The following CRLS1 variants were observed in gnomAD, a reference collection of about 807,000 sequenced individuals.
CRLS1 encodes cardiolipin synthase (CMP-forming).
Under a neutral mutation model 37.0 loss-of-function variants are expected in CRLS1, and 24 were observed. The ratio of observed to expected loss-of-function variants is 0.65; its 90% CI spans 0.47 to 0.91. The LOEUF (loss-of-function observed/expected upper bound fraction) is 0.91. Ranked by LOEUF, CRLS1 falls within the 40% of genes least tolerant of loss-of-function variation. The pLI is 0.00. For missense variants in CRLS1, 373 were observed against 395.8 expected (o/e 0.94, Z 0.49); for synonymous variants, 135 against 159.7 (o/e 0.85, Z 1.17).
chr20:6,038,593 A>G lies in CRLS1; in HGVS notation c.*1435A>G, dbSNP rs1980737510. On this transcript the variant is annotated 3_prime_UTR_variant, in exon 7 of 7. Coordinates refer to ENST00000378863, the MANE Select transcript of CRLS1 (RefSeq NM_019095.6). ...CAGAGAAGGGGGCATGTGGCTGGCT[A>G]TTCTTGCTCTCTGGAGAACAGCTTC... The G allele has an allele frequency of 6.6e-6, 1 of 152,340 alleles. No homozygotes were observed. The highest frequency in any genetic ancestry group is 2.1e-4 in the South Asian group (1 of 4,832). 9.4% of individuals were successfully genotyped at this position (152,340 alleles called of 1,614,324 possible).
rs114109779 is a variant in CRLS1, at chr20:6,012,946, G to A, written c.445-2415G>A. 5.3e-4 allele frequency among the ~76,000 whole-genome samples: 80 copies of A among 152,244 alleles called. 1 individual carries two copies. The South Asian group carries it at 0.012, about 22-fold the overall frequency. ...TCGAGGTCAGGTACTCTAAAAATGC[G>A]GAGTTCCTTGGTGACCTTTATGAGC... On this transcript the variant is annotated intron_variant, in intron 2 of 6. Transcript: ENST00000378863.
chr20:6,011,674 C>T (rs988104129), intron 2 of CRLS1, among the ~76,000 whole-genome samples: 16 of 140,958 alleles, frequency 1.1e-4, no homozygotes, highest in African/African-American at 4.3e-4. Flanking sequence ...CAGCCTCTGC[C>T]TCTTGGGTTC....
At chr20:6,016,550 G>A (rs1978768397) in intron 3 of CRLS1, among the ~76,000 whole-genome samples, 1 of 152,086 alleles carries the variant, frequency 6.6e-6, no homozygotes, top group Non-Finnish European at 1.5e-5. Context: ...AAAGTGATGG[G>A]ACTATTGGCT....
At chr20:6,021,190 C>T (rs1428509468) in intron 3 of CRLS1, among the ~76,000 whole-genome samples, 1 of 151,828 alleles carries the variant, frequency 6.6e-6, no homozygotes, top group African/African-American at 2.4e-5. Flanking sequence ...CCTCAGTCTC[C>T]TGACTAGCTG....
intron 2 of CRLS1, 44 bp from the exon 3 acceptor site, chr20:6,015,317 C>T: frequency 7.6e-7 from 1 of 1,311,672 alleles, no homozygotes. Flanking sequence ...TGCTTTGTTC[C>T]TGTTATGACA....
chr20:6,016,552 C>CT (rs897392411), intron 3 of CRLS1, among the ~76,000 whole-genome samples: 17 of 152,172 alleles, frequency 1.1e-4, no homozygotes, highest in Non-Finnish European at 1.5e-5. Context: ...AGTGATGGGA[C>CT]TATTGGCTTG....
In CRLS1 at chr20:6,034,453, T is replaced by G; in HGVS notation, c.730-11T>G. ...CACTATTCACTTAGAACTTTTTCTT[T>G]TTTTATTTAGGTGAATACAGCAGTC... On this transcript the variant is annotated splice_polypyrimidine_tract_variant and intron_variant, in intron 5 of 6. Transcript: ENST00000378863. 1 of 1,603,992 alleles carries G rather than the reference T, an allele frequency of 6.2e-7. No homozygotes were observed. Among genetic ancestry groups the G allele is most frequent in the Non-Finnish European group, 8.5e-7 (1 of 1,175,558 alleles).
chr20:6,035,912 C>G (rs914621074), intron 6 of CRLS1, among the ~76,000 whole-genome samples: 1 of 152,160 alleles, frequency 6.6e-6, no homozygotes, highest in Non-Finnish European at 1.5e-5. Context: ...TCAAGCGATT[C>G]TCCTGCCTCA....
In CRLS1 at chr20:6,038,181, TAA is replaced by T. The variant is rs1339110506; in HGVS notation, c.*1026_*1027del. On this transcript the variant is annotated 3_prime_UTR_variant, in exon 7 of 7. Coordinates refer to ENST00000378863, the MANE Select transcript of CRLS1 (RefSeq NM_019095.6). The stretch of plus-strand genomic sequence containing the variant: ...AATAATTAGTCTGACCATCTGACTT[TAA>T]AAGACTGTTGCTACACGTACATCAT... 6.6e-6 allele frequency: 1 copy of T among 152,248 alleles called. No homozygotes were observed. Among genetic ancestry groups the T allele is most frequent in the Non-Finnish European group, 1.5e-5 (1 of 68,038 alleles). 9.4% of individuals were successfully genotyped at this position (152,248 alleles called of 1,614,324 possible). A position where few individuals can be genotyped will look rare whatever the true frequency, so the allele number is the denominator to read the frequency against.
At chr20:6,037,034 G>A (rs748416433) in intron 6 of CRLS1, 40 bp from the exon 7 acceptor site, 17 of 1,414,366 alleles carry the variant, frequency 1.2e-5, no homozygotes, top group Non-Finnish European at 1.7e-5. Flanking sequence ...CTATTTTTTA[G>A]ACTTGACAAC....
intron 3 of CRLS1, among the ~76,000 whole-genome samples, chr20:6,030,405 G>A (rs1309522052): frequency 6.6e-6 from 1 of 152,096 alleles, no homozygotes; most frequent in Admixed American, 6.5e-5. Flanking sequence ...AGCAATCCCT[G>A]GGAAGGAACT....
chr20:6,010,668 G>C (rs1177756004), intron 2 of CRLS1, among the ~76,000 whole-genome samples: 1 of 152,172 alleles, frequency 6.6e-6, no homozygotes, highest in Non-Finnish European at 1.5e-5. Context: ...CATTAAATAG[G>C]CTTTTGTGGA....
chr20:6,035,225 TA>T (rs1278157154), intron 6 of CRLS1, among the ~76,000 whole-genome samples: 1 of 152,232 alleles, frequency 6.6e-6, no homozygotes, highest in African/African-American at 2.4e-5. Flanking sequence ...ACAACTACTC[TA>T]AACTTTTTAT....
chr20:6,019,515 T>C (rs1313402946), intron 3 of CRLS1, among the ~76,000 whole-genome samples: 6 of 13,388 alleles, frequency 4.5e-4, no homozygotes, highest in African/African-American at 1.7e-3. Flanking sequence ...TTTGTCCCTT[T>C]TTTTTTTTTT....
chr20:6,032,729 C>A (rs1432734207), intron 5 of CRLS1, among the ~76,000 whole-genome samples: 1 of 152,194 alleles, frequency 6.6e-6, no homozygotes, highest in Non-Finnish European at 1.5e-5. Flanking sequence ...GCCAGTCTAC[C>A]TCTCAAGCCA....
chr20:6,008,277 A>C (rs2090086836), intron 1 of CRLS1, among the ~76,000 whole-genome samples: 1 of 152,208 alleles, frequency 6.6e-6, no homozygotes, highest in African/African-American at 2.4e-5. Context: ...AGAAAGTCCC[A>C]TGGAGTGGAA....
chr20:6,016,386 A>G (rs1303934507), intron 3 of CRLS1, among the ~76,000 whole-genome samples: 3 of 152,052 alleles, frequency 2.0e-5, no homozygotes, highest in African/African-American at 7.2e-5. Flanking sequence ...AATAAATTGG[A>G]CTAATGTTTA....
chr20:6,011,018 T>TAA (rs879901246), intron 2 of CRLS1, among the ~76,000 whole-genome samples: 2 of 140,094 alleles, frequency 1.4e-5, no homozygotes, highest in Admixed American at 7.2e-5. Flanking sequence ...ACTTGTCTCT[T>TAA]AAAAAAAAAA....
chr20:6,013,790 T>G (rs1034157542), intron 2 of CRLS1, among the ~76,000 whole-genome samples: 1 of 152,208 alleles, frequency 6.6e-6, no homozygotes, highest in African/African-American at 2.4e-5. Flanking sequence ...CCTTAAGCAC[T>G]ATTCAGCTCT....
Sources: allele counts gnomAD v4.1 joint callset (sites outside exome capture counted in the v4.1 genomes callset), GRCh38; gene constraint gnomAD v4.1.1; transcripts MANE v1.5; gene names NCBI Gene and HGNC (gene_info 2026-07-23, HGNC 2026-07-21).